Variants in DLG5 observed in about 807,000 individuals in gnomAD.
DLG5 encodes discs large MAGUK scaffold protein 5.
Under a neutral mutation model 189.8 loss-of-function variants are expected in DLG5, and 48 were observed. The ratio of observed to expected loss-of-function variants is 0.25; its 90% CI spans 0.20 to 0.32. DLG5 has a LOEUF of 0.32. Among genes scored for constraint, DLG5 ranks in the 10% least tolerant of loss-of-function variants. DLG5 has a pLI of 1.00. For missense variants in DLG5, 2,160 were observed against 2,544.7 expected, an observed-to-expected ratio of 0.85 and a Z score of 3.25; for synonymous variants, 1,016 against 1,054.1, an observed-to-expected ratio of 0.96 and a Z score of 0.70.
chr10:77,911,715 G>A (rs1040658087), intron 1 of DLG5, among the ~76,000 whole-genome samples: 2 of 152,112 alleles, frequency 1.3e-5, no homozygotes, highest in African/African-American at 4.8e-5. Context: ...ACCCTGGCTT[G>A]AGGTGGCCAC....
At chr10:77,923,658 TGAGGCAGGA>T (rs1413092566) in intron 1 of DLG5, among the ~76,000 whole-genome samples, 1 of 152,028 alleles carries the variant, frequency 6.6e-6, no homozygotes, top group East Asian at 1.9e-4. Context: ...CTTGCGGGGC[TGAGGCAGGA>T]GGATGGCTTG....
chr10:77,882,707 T>C (rs1312584207), intron 1 of DLG5, among the ~76,000 whole-genome samples: 2 of 150,202 alleles, frequency 1.3e-5, no homozygotes, highest in African/African-American at 2.5e-5. Context: ...AGGCCAGGAG[T>C]TGGAGACCAG....
rs1015996164 is a variant in DLG5 at position 77,918,716 on chromosome 10, T to G, written c.304+7501A>C. Among the ~76,000 whole-genome samples the G allele has an allele frequency of 9.9e-5, 15 of 151,986 alleles. No homozygotes were observed. In the East Asian group the frequency reaches 2.7e-3, roughly 28 times the overall value. On this transcript the variant is annotated intron_variant, in intron 1 of 31. Transcript: ENST00000372391. The stretch of plus-strand genomic sequence containing the variant: ...TAAAAGGCGAAAAAAAAATCCAATT[T>G]CCCCCCAGCGCAATCCCATTTAAGA...
At chr10:77,868,055 G>A (rs756376385) in intron 2 of DLG5, 39 of 456,554 alleles carry the variant, frequency 8.5e-5, no homozygotes, top group Non-Finnish European at 1.3e-4. Flanking sequence ...AGAGAGGCCC[G>A]GGACAGATCT....
rs1840902362 is a variant in DLG5, at chr10:77,796,014, G to A, written c.5436+47C>T. On this transcript the variant is annotated intron_variant, in intron 29 of 31. Transcript: ENST00000372391. This position sits in a 1 kb window ranked among gnomAD's most constrained non-coding sequence, Gnocchi z 5.2. ...ACCAGGGGCCTAGACCTGTGCACAG[G>A]AGGTCTAATACTGGATGCCTAATCC... is the stretch of plus-strand genomic sequence containing the variant. 2 of 1,613,490 alleles carry A rather than the reference G, an allele frequency of 1.2e-6. No homozygotes were observed. The highest frequency in any genetic ancestry group is 1.7e-6 in the Non-Finnish European group (2 of 1,179,726).
At chr10:77,905,462 G>A (rs979268464) in intron 1 of DLG5, among the ~76,000 whole-genome samples, 6 of 152,162 alleles carry the variant, frequency 3.9e-5, no homozygotes, top group Non-Finnish European at 8.8e-5. Context: ...TAAATCAAGT[G>A]TTTGCGCACC....
upstream of DLG5, chr10:77,928,819 G>A (rs1003779095): frequency 7.9e-5 from 12 of 152,136 alleles, no homozygotes; most frequent in Non-Finnish European, 1.5e-4. Flanking sequence ...CTGAGCTCAG[G>A]AGTTGGAGAC....
At chr10:77,829,583 C>G (rs1842804327) in intron 11 of DLG5, 53 bp from the exon 12 acceptor site, 3 of 1,540,030 alleles carry the variant, frequency 1.9e-6, no homozygotes, top group Non-Finnish European at 1.8e-6. Flanking sequence ...GGACCAGCGG[C>G]TACCGCCCAC....
chr10:77,864,605 G>A (rs1844602293), intron 2 of DLG5, among the ~76,000 whole-genome samples: 1 of 152,210 alleles, frequency 6.6e-6, no homozygotes, highest in Non-Finnish European at 1.5e-5. Flanking sequence ...AGAAACCCTG[G>A]GAGTAAGTCC....
At chr10:77,877,801 G>A (rs1845147417) in intron 1 of DLG5, among the ~76,000 whole-genome samples, 1 of 152,126 alleles carries the variant, frequency 6.6e-6, no homozygotes, top group Admixed American at 6.5e-5. Context: ...GTGGAGGGGG[G>A]ACAACGAACA....
At chr10:77,875,876 G>C (rs1248714951) in intron 1 of DLG5, among the ~76,000 whole-genome samples, 1 of 151,636 alleles carries the variant, frequency 6.6e-6, no homozygotes, top group Non-Finnish European at 1.5e-5. Flanking sequence ...CTAGGGGCTC[G>C]GCCTCCTACC....
intron 1 of DLG5, among the ~76,000 whole-genome samples, chr10:77,900,226 C>T (rs1589266195): frequency 6.6e-6 from 1 of 152,154 alleles, no homozygotes; most frequent in East Asian, 1.9e-4. Flanking sequence ...TGGGAGGCCA[C>T]AAGGCTGGGT....
chr10:77,919,109 G>A (rs1223231854), intron 1 of DLG5, among the ~76,000 whole-genome samples: 7 of 151,998 alleles, frequency 4.6e-5, no homozygotes, highest in African/African-American at 9.7e-5. Flanking sequence ...CCAGCCACTC[G>A]GAAGGCTGAG....
In DLG5 at chr10:77,853,387, C is replaced by T; in HGVS notation, c.831G>A (p.Lys277=). ...DMKRLHEEDQ[K]EIGDLRAQQQ... is the part of the protein sequence containing the mutation. ...GCTGGGCACGGAGGTCACCGATCTC[C>T]TTCTGGTCCTCCTCGTGGAGCCGCT... is the stretch of plus-strand genomic sequence containing the variant. Residue 277 remains lysine, a synonymous_variant, in exon 5 of 32, where the codon AAG becomes AAA. Coordinates refer to ENST00000372391, the MANE Select transcript of DLG5 (RefSeq NM_004747.4). 1 of 1,598,134 alleles carries T rather than the reference C, an allele frequency of 6.3e-7. No homozygotes were observed. The highest frequency in any genetic ancestry group is 1.3e-5 in the African/African-American group (1 of 74,858).
Position 77,796,677 on chromosome 10 carries a change from CT to C in DLG5, c.5165-84del. ...GGGCTGGGGAACCCCGCTCCCTGACCTCGCCCACTCTGGTTTGCCTGGGACT... is the reference window on the plus strand; with the variant it reads ...GGGCTGGGGAACCCCGCTCCCTGACCCGCCCACTCTGGTTTGCCTGGGACT... On this transcript the variant is annotated intron_variant, in intron 27 of 31. Transcript: ENST00000372391. The surrounding 1 kb of genome is among the most constrained non-coding windows in gnomAD (Gnocchi z 5.2). 1 of 1,556,814 alleles carries C rather than the reference CT, an allele frequency of 6.4e-7. No homozygotes were observed. The highest frequency in any genetic ancestry group is 8.8e-7 in the Non-Finnish European group (1 of 1,141,820).
At chr10:77,850,424 CATTTT>C (rs1477440743) in intron 5 of DLG5, among the ~76,000 whole-genome samples, 1 of 152,196 alleles carries the variant, frequency 6.6e-6, no homozygotes, top group Non-Finnish European at 1.5e-5. Flanking sequence ...GGATAGATCA[CATTTT>C]ATTTATCCAT....
chr10:77,842,560 C>T (rs2154576324), intron 6 of DLG5, among the ~76,000 whole-genome samples: 1 of 152,334 alleles, frequency 6.6e-6, no homozygotes, highest in South Asian at 2.1e-4. Flanking sequence ...CAAACCGCCT[C>T]ATTTCACAGA....
chr10:77,893,571 G>A (rs1220512802), intron 1 of DLG5, among the ~76,000 whole-genome samples: 1 of 152,238 alleles, frequency 6.6e-6, no homozygotes, highest in African/African-American at 2.4e-5. Context: ...TGCCAATCTT[G>A]TGTATCAATG....
intron 22 of DLG5, among the ~76,000 whole-genome samples, chr10:77,811,590 G>A (rs1027275779): frequency 3.3e-5 from 5 of 152,098 alleles, no homozygotes; most frequent in African/African-American, 4.8e-5. Context: ...CAGCTCAGGG[G>A]CAGATACAGA....
Sources: allele counts gnomAD v4.1 joint callset (sites outside exome capture counted in the v4.1 genomes callset), GRCh38; gene constraint gnomAD v4.1.1; non-coding constraint Gnocchi (gnomAD v3.1); transcripts MANE v1.5; gene names NCBI Gene and HGNC (gene_info 2026-07-23, HGNC 2026-07-21).